CACHD1: variants seen among roughly 807,000 people sequenced by gnomAD.
CACHD1 encodes the protein cache domain containing 1, also known as VWFA and cache domain-containing protein 1.
In CACHD1, 71 loss-of-function variants were observed where a neutral mutation model predicts 138.7. That is an observed-to-expected ratio of 0.51 (90% CI 0.42 to 0.62). The LOEUF is 0.62. CACHD1 is among the 20% of genes least tolerant of loss of function. The pLI is 0.00. For missense variants in CACHD1, 1,389 were observed against 1,625.3 expected (o/e 0.85, Z 2.50); for synonymous variants, 578 against 591.5 (o/e 0.98, Z 0.33).
At chr1:64,558,103 C>G (rs1028594007) in intron 2 of CACHD1, among the ~76,000 whole-genome samples, 1 of 152,138 alleles carries the variant, frequency 6.6e-6, no homozygotes, top group African/African-American at 2.4e-5. Context: ...GGCCCTCTGC[C>G]ATTTTCTCTT....
chr1:64,579,859 G>T (rs1349204197), intron 2 of CACHD1: 1 of 153,628 alleles, frequency 6.5e-6, no homozygotes, highest in Admixed American at 6.6e-5. Flanking sequence ...TTAACATCTG[G>T]CTATCTCACG....
At chr1:64,641,790 A>G (rs1406599751) in intron 7 of CACHD1, 30 bp from the exon 8 acceptor site, 2 of 1,482,080 alleles carry the variant, frequency 1.3e-6, no homozygotes, top group Non-Finnish European at 8.9e-7. Flanking sequence ...GAATCCAAAG[A>G]GAGCATTCAA....
rs747791214 is a variant in CACHD1, at chr1:64,673,200, G to A, written c.2553G>A (p.Pro851=). 8 of 1,613,738 alleles carry A rather than the reference G, an allele frequency of 5.0e-6. No homozygotes were observed. Among genetic ancestry groups the A allele is most frequent in the Admixed American group, 3.3e-5 (2 of 59,976 alleles). ...ACAGGGGTTATCTGGTGGCGCACCC[G>A]ACTCTCATCGACCCCAAAGGACATG... ...MEDRGYLVAH[P]TLIDPKGHAP... The change falls in exon 18 of 27, where the codon CCG becomes CCA. Residue 851 remains proline, a synonymous_variant. Transcript: ENST00000651257.
At chr1:64,586,517 A>G (rs1647052744) in intron 3 of CACHD1, among the ~76,000 whole-genome samples, 1 of 152,094 alleles carries the variant, frequency 6.6e-6, no homozygotes, top group Non-Finnish European at 1.5e-5. Context: ...TTTTTTTAAT[A>G]CTAGGGAGAT....
chr1:64,593,593 T>G (rs145386555), intron 3 of CACHD1, among the ~76,000 whole-genome samples: 9 of 152,306 alleles, frequency 5.9e-5, no homozygotes, highest in African/African-American at 2.2e-4. Context: ...GTTTTGTGTT[T>G]ATGCCCAATG....
chr1:64,528,069 G>T (rs1168058018), intron 1 of CACHD1, among the ~76,000 whole-genome samples: 1 of 152,200 alleles, frequency 6.6e-6, no homozygotes, highest in East Asian at 1.9e-4. Flanking sequence ...CATTTATAAT[G>T]TGAGCAGCAC....
chr1:64,574,004 T>A (rs568356744), intron 2 of CACHD1, among the ~76,000 whole-genome samples: 61 of 152,166 alleles, frequency 4.0e-4, no homozygotes, highest in South Asian at 6.2e-4. Flanking sequence ...AGAAAGTGAG[T>A]GGAACAAATG....
chr1:64,646,638 A>T (rs150161479), intron 8 of CACHD1, among the ~76,000 whole-genome samples: 3 of 152,136 alleles, frequency 2.0e-5, no homozygotes, highest in Admixed American at 6.5e-5. Flanking sequence ...AGACTGAGGC[A>T]TGAGAATCGC....
At chr1:64,673,534 C>G in intron 19 of CACHD1, 70 bp downstream of exon 19, 1 of 1,202,766 alleles carries the variant, frequency 8.3e-7, no homozygotes, top group Non-Finnish European at 1.2e-6. Flanking sequence ...GGAATCATGG[C>G]TAGTGTCTGA....
chr1:64,624,422 T>C (rs929764317), intron 4 of CACHD1, among the ~76,000 whole-genome samples: 1 of 152,226 alleles, frequency 6.6e-6, no homozygotes, highest in Non-Finnish European at 1.5e-5. Flanking sequence ...ATGAGGTCAT[T>C]GAGCTTTCCT....
intron 1 of CACHD1, among the ~76,000 whole-genome samples, chr1:64,532,263 C>T (rs1570339645): frequency 6.6e-6 from 1 of 152,000 alleles, no homozygotes; most frequent in Admixed American, 6.6e-5. Context: ...CAACTTGGGC[C>T]CTTCTTGTGA....
At chr1:64,593,178 T>C (rs1020117587) in intron 3 of CACHD1, among the ~76,000 whole-genome samples, 6 of 152,228 alleles carry the variant, frequency 3.9e-5, no homozygotes, top group African/African-American at 1.4e-4. Context: ...CATTTTATTA[T>C]CATCCCACTA....
At chr1:64,628,898 G>A (rs1463278059) in intron 4 of CACHD1, among the ~76,000 whole-genome samples, 2 of 152,120 alleles carry the variant, frequency 1.3e-5, no homozygotes, top group Non-Finnish European at 1.5e-5. Context: ...CATGTATGCT[G>A]TTTCCTTCAT....
At chr1:64,673,610 T>A in intron 19 of CACHD1, 146 bp downstream of exon 19, 1 of 728,836 alleles carries the variant, frequency 1.4e-6, no homozygotes, top group Non-Finnish European at 2.3e-6. Flanking sequence ...GGAGCTTAGT[T>A]CCAGTTCCCA....
chr1:64,648,150 C>G, intron 9 of CACHD1, 116 bp downstream of exon 9: 1 of 753,754 alleles, frequency 1.3e-6, no homozygotes, highest in Non-Finnish European at 2.2e-6. Context: ...TGTCCTATAT[C>G]TCTGTATTGT....
intron 1 of CACHD1, among the ~76,000 whole-genome samples, chr1:64,517,078 C>G (rs1459604394): frequency 1.3e-5 from 2 of 152,152 alleles, no homozygotes; most frequent in Non-Finnish European, 2.9e-5. Context: ...GGGGAAAGCA[C>G]TTGTTATATG....
intron 8 of CACHD1, among the ~76,000 whole-genome samples, chr1:64,644,372 A>G (rs762880595): frequency 8.5e-5 from 13 of 152,262 alleles, no homozygotes; most frequent in Non-Finnish European, 1.3e-4. Flanking sequence ...CTTATGACCC[A>G]GTGAGGAAGA....
intron 4 of CACHD1, among the ~76,000 whole-genome samples, chr1:64,621,170 C>T (rs1157726847): frequency 2.0e-5 from 3 of 152,190 alleles, no homozygotes; most frequent in Non-Finnish European, 2.9e-5. Context: ...AACACTTCCT[C>T]TTGCCCTTGC....
intron 3 of CACHD1, among the ~76,000 whole-genome samples, chr1:64,592,251 G>A (rs998686102): frequency 1.3e-5 from 2 of 152,144 alleles, no homozygotes; most frequent in African/African-American, 4.8e-5. Context: ...ATTCCCAAAT[G>A]CTGACATACA....
Sources: allele counts gnomAD v4.1 joint callset (sites outside exome capture counted in the v4.1 genomes callset), GRCh38; gene constraint gnomAD v4.1.1; transcripts MANE v1.5; gene names NCBI Gene and HGNC (gene_info 2026-07-23, HGNC 2026-07-21).